DGKG: variants seen among roughly 807,000 people sequenced by gnomAD.
DGKG encodes DAG kinase gamma.
Under a neutral mutation model 105.3 loss-of-function variants are expected in DGKG, and 78 were observed. That is an observed-to-expected ratio of 0.74 (90% confidence interval 0.62 to 0.89). The LOEUF is 0.89. Among genes scored for constraint, DGKG ranks in the 40% least tolerant of loss-of-function variants. DGKG has a pLI of 0.00. For missense variants in DGKG, 958 were observed against 1,020.1 expected, an observed-to-expected ratio of 0.94 and a Z score of 0.83; for synonymous variants, 346 against 367.1, an observed-to-expected ratio of 0.94 and a Z score of 0.66.
chr3:186,179,244 C>A (rs1717243303), intron 22 of DGKG, among the ~76,000 whole-genome samples: 1 of 152,212 alleles, frequency 6.6e-6, no homozygotes. Flanking sequence ...CACAGCCGTG[C>A]CCGTTCATTT....
intron 19 of DGKG, among the ~76,000 whole-genome samples, chr3:186,250,370 G>A (rs1721150887): frequency 6.6e-6 from 1 of 151,990 alleles, no homozygotes; most frequent in Non-Finnish European, 1.5e-5. Flanking sequence ...AACAGCTAAT[G>A]GATGCCGGGC....
At chr3:186,318,377 C>T (rs1270927911) in intron 2 of DGKG, among the ~76,000 whole-genome samples, 1 of 152,188 alleles carries the variant, frequency 6.6e-6, no homozygotes, top group Non-Finnish European at 1.5e-5. Flanking sequence ...ATTCCTTTTG[C>T]TTCCATCGTT....
At chr3:186,245,131 C>T (rs529409976) in intron 19 of DGKG, among the ~76,000 whole-genome samples, 61 of 152,216 alleles carry the variant, frequency 4.0e-4, no homozygotes, top group African/African-American at 1.0e-3. Context: ...TTTTATTCTC[C>T]GGGATATGTG....
At chr3:186,165,270 C>T (rs948773689) in intron 22 of DGKG, among the ~76,000 whole-genome samples, 4 of 152,120 alleles carry the variant, frequency 2.6e-5, no homozygotes, top group Non-Finnish European at 5.9e-5. Context: ...AAATAGGTTA[C>T]CATATCAAGA....
At position 186,295,528 on chromosome 3, in the gene DGKG, GTAA is replaced by G. The variant is rs1241384638; in HGVS notation, c.373+1890_373+1892del. Among the ~76,000 whole-genome samples, 212 of 120,626 alleles carry G rather than the reference GTAA, an allele frequency of 1.8e-3. 2 individuals are homozygous for G. Among genetic ancestry groups the G allele is most frequent in the Non-Finnish European group, 9.6e-4 (56 of 58,250 alleles). 79.1% of individuals were successfully genotyped at this position (120,626 alleles called of 152,430 possible). A position where few individuals can be genotyped will look rare whatever the true frequency, so the allele number is the denominator to read the frequency against. On this transcript the variant is annotated intron_variant, in intron 5 of 24. Transcript: ENST00000265022. ...AATAATAATAATAATAATAATAATAGTAATAATAATAATAATAATACTGCATTC... is the reference window on the plus strand; with the variant it reads ...AATAATAATAATAATAATAATAATAGTAATAATAATAATAATACTGCATTC...
rs573849499 is a variant in DGKG at position 186,303,913 on chromosome 3, G to A, written c.144+2988C>T. 4.3e-4 allele frequency among the ~76,000 whole-genome samples: 66 copies of A among 152,314 alleles called. 2 individuals are homozygous for A. In the South Asian group the frequency reaches 0.013, roughly 31 times the overall value. On this transcript the variant is annotated intron_variant, in intron 3 of 24. Coordinates refer to ENST00000265022, the MANE Select transcript of DGKG (RefSeq NM_001346.3). The stretch of plus-strand genomic sequence containing the variant: ...AGCAGCAGTAAGCCATCAAACTCAA[G>A]AGAAATTAAACCCTTCTTATTTCCC...
rs184119703 is a variant in DGKG at position 186,162,777 on chromosome 3, C to A, written c.2217-1114G>T. ...CAGGATGGTCTCGATCTCCTGACCT[C>A]GTGATCTGCCTGCCTTGGCCTCCCA... On this transcript the variant is annotated intron_variant, in intron 23 of 24. Coordinates refer to ENST00000265022, the MANE Select transcript of DGKG (RefSeq NM_001346.3). Among the ~76,000 whole-genome samples the A allele has an allele frequency of 1.7e-3, 253 of 151,914 alleles. 2 individuals carry two copies. Among genetic ancestry groups the A allele is most frequent in the African/African-American group, 5.8e-3 (239 of 41,434 alleles).
rs115077822 is a variant in DGKG at position 186,267,266 on chromosome 3, G to A, written c.1209+419C>T. Among the ~76,000 whole-genome samples, 307 of 152,312 alleles carry A rather than the reference G, an allele frequency of 2.0e-3. 2 individuals carry two copies. Among genetic ancestry groups the A allele is most frequent in the African/African-American group, 6.0e-3 (249 of 41,568 alleles). On this transcript the variant is annotated intron_variant, in intron 13 of 24. Transcript: ENST00000265022. Reference sequence around the variant, plus strand: ...TGCCTGCAAAAGGCTTAGAACAAATGTGCTTTCCTTGCTGGGTCATTTCAG... The same window carrying A: ...TGCCTGCAAAAGGCTTAGAACAAATATGCTTTCCTTGCTGGGTCATTTCAG...
chr3:186,236,040 C>G (rs16860568), intron 20 of DGKG, among the ~76,000 whole-genome samples: 1 of 152,160 alleles, frequency 6.6e-6, no homozygotes, highest in East Asian at 1.9e-4. Flanking sequence ...CACTGGACTT[C>G]GAATCTCTAG....
At chr3:186,154,644 C>G (rs1207472378) in intron 24 of DGKG, among the ~76,000 whole-genome samples, 1 of 39,966 alleles carries the variant, frequency 2.5e-5, no homozygotes, top group African/African-American at 8.7e-5. Flanking sequence ...GACTCTGTCT[C>G]AAAAAAAAAA....
At chr3:186,202,093 G>C (rs1395724485) in intron 21 of DGKG, among the ~76,000 whole-genome samples, 1 of 152,122 alleles carries the variant, frequency 6.6e-6, no homozygotes, top group Non-Finnish European at 1.5e-5. Context: ...CAGTTTCCTT[G>C]GGTAAATAAT....
chr3:186,325,855 C>A (rs965012682), intron 1 of DGKG, among the ~76,000 whole-genome samples: 42 of 152,136 alleles, frequency 2.8e-4, no homozygotes, highest in African/African-American at 9.7e-4. Flanking sequence ...GAAGCTCAGT[C>A]AAGGTGGCGA....
intron 22 of DGKG, among the ~76,000 whole-genome samples, chr3:186,180,610 T>G (rs941827233): frequency 1.3e-5 from 2 of 152,246 alleles, no homozygotes; most frequent in East Asian, 3.9e-4. Context: ...TCACTATGAC[T>G]GTCAAATCTC....
intron 10 of DGKG, among the ~76,000 whole-genome samples, chr3:186,273,052 C>T (rs1345230937): frequency 1.3e-5 from 2 of 152,150 alleles, no homozygotes; most frequent in Non-Finnish European, 2.9e-5. Context: ...AGGCAGGCCC[C>T]CGTGACAATC....
In DGKG at chr3:186,185,936, A is replaced by C. The variant is rs180872393; in HGVS notation, c.2095+2266T>G. Among the ~76,000 whole-genome samples the C allele has an allele frequency of 1.7e-3, 256 of 151,788 alleles. 1 individual carries two copies. The highest frequency in any genetic ancestry group is 5.8e-3 in the African/African-American group (240 of 41,354). ...ACATGGAGAAACCCCATCTCTATTA[A>C]AAATAGAAAAAAGTAGCCGGGCGTG... On this transcript the variant is annotated intron_variant, in intron 22 of 24. Coordinates refer to ENST00000265022, the MANE Select transcript of DGKG (RefSeq NM_001346.3).
At chr3:186,190,291 G>A (rs898925659) in intron 21 of DGKG, among the ~76,000 whole-genome samples, 2 of 151,932 alleles carry the variant, frequency 1.3e-5, no homozygotes, top group African/African-American at 4.8e-5. Flanking sequence ...TTCCCATCCC[G>A]GCTTCCCTGT....
In DGKG at chr3:186,261,942, G is replaced by GTGTCTCCA; in HGVS notation, c.1270-172_1270-165dup. On this transcript the variant is annotated intron_variant, in intron 14 of 24. Coordinates refer to ENST00000265022, the MANE Select transcript of DGKG (RefSeq NM_001346.3). Reference sequence around the variant, plus strand: ...ATTTTCGGAGGGGCTAAGTAGCTAAGTGTCTCCAGTTTGAATGGCCTTTAA... The same window carrying GTGTCTCCA: ...ATTTTCGGAGGGGCTAAGTAGCTAAGTGTCTCCATGTCTCCAGTTTGAATGGCCTTTAA... The GTGTCTCCA allele has an allele frequency of 5.4e-6, 3 of 557,436 alleles. No individual in the cohort carries two copies. The South Asian group carries it at 6.1e-5, about 11-fold the overall frequency. The allele number at this position is 557,436 out of a possible 1,614,324, so 34.5% of individuals were successfully genotyped here.
Position 186,320,516 on chromosome 3 carries a change from G to A in DGKG, c.-57C>T, listed in dbSNP as rs1365412551. On this transcript the variant is annotated 5_prime_UTR_variant, in exon 2 of 25. Transcript: ENST00000265022. Reference sequence around the variant, plus strand: ...GTGATGGAGTTTTGTTCACTAGGCTGAAGTGGAGGCCCAGCCCAGGGCCTG... The same window carrying A: ...GTGATGGAGTTTTGTTCACTAGGCTAAAGTGGAGGCCCAGCCCAGGGCCTG... 6.2e-7 allele frequency: 1 copy of A among 1,613,660 alleles called. No homozygotes were observed. The highest frequency in any genetic ancestry group is 8.5e-7 in the Non-Finnish European group (1 of 1,179,818).
In DGKG at chr3:186,260,517, T is replaced by C. The variant is rs1721715733; in HGVS notation, c.1350-4A>G. 3 of 1,605,456 alleles carry C rather than the reference T, an allele frequency of 1.9e-6. No individual in the cohort carries two copies. The highest frequency in any genetic ancestry group is 2.7e-5 in the African/African-American group (2 of 74,242). ...ATAGTGGAATTTCCGAAGAATTCTATGGAAAAAAAAAGAAAAGGAGGGAGA... is the reference window on the plus strand; with the variant it reads ...ATAGTGGAATTTCCGAAGAATTCTACGGAAAAAAAAAGAAAAGGAGGGAGA... On this transcript the variant is annotated splice_region_variant and splice_polypyrimidine_tract_variant and intron_variant, in intron 15 of 24. Coordinates refer to ENST00000265022, the MANE Select transcript of DGKG (RefSeq NM_001346.3).
Sources: allele counts gnomAD v4.1 joint callset (sites outside exome capture counted in the v4.1 genomes callset), GRCh38; gene constraint gnomAD v4.1.1; transcripts MANE v1.5; gene names NCBI Gene and HGNC (gene_info 2026-07-23, HGNC 2026-07-21).